Variants in SLC39A11 observed in about 807,000 individuals in gnomAD.
SLC39A11 encodes solute carrier family 39 member 11.
Under a neutral mutation model 36.1 loss-of-function variants are expected in SLC39A11, and 33 were observed. That is an observed-to-expected ratio of 0.91 (90% confidence interval 0.69 to 1.22). The LOEUF is 1.22. Among genes scored for constraint, SLC39A11 ranks in the 50% most tolerant of loss-of-function variants. The pLI is 0.00. For synonymous variants in SLC39A11, 166 were observed against 170.3 expected, an observed-to-expected ratio of 0.97 and a Z score of 0.20; for missense variants, 432 against 430.3, an observed-to-expected ratio of 1.00 and a Z score of -0.03.
At chr17:72,877,396 A>G (rs963001107) in intron 5 of SLC39A11, among the ~76,000 whole-genome samples, 5 of 151,630 alleles carry the variant, frequency 3.3e-5, no homozygotes, top group Non-Finnish European at 7.4e-5. Context: ...CATTTTCCTG[A>G]CTCCTTTGAA....
At chr17:73,027,769 G>C (rs1327159810) in intron 4 of SLC39A11, among the ~76,000 whole-genome samples, 3 of 152,168 alleles carry the variant, frequency 2.0e-5, no homozygotes, top group African/African-American at 7.2e-5. Flanking sequence ...TGGCTCTGAC[G>C]CTCCCAGGCA....
At chr17:72,738,921 C>G (rs564474771) in intron 6 of SLC39A11, among the ~76,000 whole-genome samples, 1 of 152,096 alleles carries the variant, frequency 6.6e-6, no homozygotes, top group Non-Finnish European at 1.5e-5. Context: ...AAGAAGGCAG[C>G]GGAGACTTAT....
At chr17:73,047,990 A>AAAT (rs1555693446) in intron 3 of SLC39A11, among the ~76,000 whole-genome samples, 42 of 58,718 alleles carry the variant, frequency 7.2e-4, no homozygotes, top group Admixed American at 9.7e-4. Context: ...AAAAAAAAAA[A>AAAT]ATATATATAT....
chr17:72,651,007 C>A (rs1281083741), intron 7 of SLC39A11, among the ~76,000 whole-genome samples: 3 of 152,002 alleles, frequency 2.0e-5, no homozygotes, highest in South Asian at 4.2e-4. Context: ...GTTTTTTTTA[C>A]CTTTATCCCC....
At chr17:73,007,869 G>A (rs369376494) in intron 4 of SLC39A11, among the ~76,000 whole-genome samples, 2 of 152,192 alleles carry the variant, frequency 1.3e-5, no homozygotes, top group East Asian at 1.9e-4. Flanking sequence ...TTGGGAGGCC[G>A]AGGCATGTGG....
At chr17:72,879,251 G>A (rs552968714) in intron 5 of SLC39A11, among the ~76,000 whole-genome samples, 38 of 152,296 alleles carry the variant, frequency 2.5e-4, no homozygotes, top group African/African-American at 8.4e-4. Context: ...GTCAGGAGGT[G>A]AGATTGAAAG....
intron 5 of SLC39A11, among the ~76,000 whole-genome samples, chr17:72,924,239 C>G (rs2083896375): frequency 6.7e-6 from 1 of 148,604 alleles, no homozygotes; most frequent in South Asian, 2.1e-4. Flanking sequence ...ACGTTAAAGT[C>G]TCTAAAGGAA....
chr17:73,062,029 T>C (rs77548480), intron 3 of SLC39A11, among the ~76,000 whole-genome samples: 6,550 of 152,076 alleles, frequency 0.043, 206 homozygotes, highest in Middle Eastern at 0.071. Context: ...CTCTGTTCCA[T>C]GACTCTTCAT....
At chr17:73,088,539 G>T in intron 2 of SLC39A11, 118 bp downstream of exon 2, 1 of 738,652 alleles carries the variant, frequency 1.4e-6, no homozygotes, top group Non-Finnish European at 2.4e-6. Context: ...AGTACACAAT[G>T]CCTGGGGGTG....
At chr17:72,678,290 C>T (rs888454816) in intron 7 of SLC39A11, among the ~76,000 whole-genome samples, 6 of 152,058 alleles carry the variant, frequency 3.9e-5, no homozygotes, top group Admixed American at 2.0e-4. Context: ...CCATTTACAA[C>T]GTGTTTTTTT....
intron 3 of SLC39A11, chr17:73,067,825 G>A (rs2060041424): frequency 1.3e-6 from 2 of 1,537,816 alleles, no homozygotes; most frequent in Middle Eastern, 2.3e-4. Context: ...TGTCTCTTCT[G>A]TGAAAATCCA....
intron 4 of SLC39A11, among the ~76,000 whole-genome samples, chr17:73,016,547 T>G (rs1000407242): frequency 6.6e-6 from 1 of 152,002 alleles, no homozygotes; most frequent in Non-Finnish European, 1.5e-5. Flanking sequence ...TTAGCCAGAC[T>G]GGTCTCGAAC....
intron 5 of SLC39A11, among the ~76,000 whole-genome samples, chr17:72,886,099 A>C (rs4969122): frequency 0.53 from 80,355 of 152,020 alleles, 23,428 homozygotes; most frequent in African/African-American, 0.78. Context: ...CCTCACTGGC[A>C]ACACCTCTGC....
Position 72,954,901 on chromosome 17 carries a change from T to A in SLC39A11, c.307-7026A>T, listed in dbSNP as rs555603067. ...AGTCCTGCCTCGGGTGTCAGGCAGGTCACCGCTGTCTTCTTTGCCCTGGTT... is the reference window on the plus strand; with the variant it reads ...AGTCCTGCCTCGGGTGTCAGGCAGGACACCGCTGTCTTCTTTGCCCTGGTT... On this transcript the variant is annotated intron_variant, in intron 4 of 9. Coordinates refer to ENST00000255559, the MANE Select transcript of SLC39A11 (RefSeq NM_139177.4). Among the ~76,000 whole-genome samples the A allele has an allele frequency of 3.9e-5, 6 of 152,272 alleles. No homozygotes were observed. In the South Asian group the frequency reaches 1.2e-3, roughly 32 times the overall value.
chr17:72,826,686 C>G (rs1237541643), intron 6 of SLC39A11, among the ~76,000 whole-genome samples: 1 of 152,082 alleles, frequency 6.6e-6, no homozygotes, highest in Non-Finnish European at 1.5e-5. Flanking sequence ...TCGTAACCCC[C>G]AAAGTAAGAA....
intron 3 of SLC39A11, among the ~76,000 whole-genome samples, chr17:73,048,577 G>A (rs139609856): frequency 4.6e-5 from 7 of 152,234 alleles, no homozygotes; most frequent in Non-Finnish European, 5.9e-5. Flanking sequence ...TGGGTCAAAC[G>A]GTAGCTCTGT....
At chr17:72,923,612 G>A (rs918479747) in intron 5 of SLC39A11, among the ~76,000 whole-genome samples, 3 of 152,176 alleles carry the variant, frequency 2.0e-5, no homozygotes, top group African/African-American at 4.8e-5. Context: ...TGATCACTTC[G>A]AAGGCAGGAG....
At chr17:72,979,064 G>A (rs988065429) in intron 4 of SLC39A11, among the ~76,000 whole-genome samples, 1 of 152,144 alleles carries the variant, frequency 6.6e-6, no homozygotes, top group East Asian at 1.9e-4. Context: ...CGTGTCAAGG[G>A]AGAGACCACG....
chr17:72,820,431 G>C (rs1180022850), intron 6 of SLC39A11, among the ~76,000 whole-genome samples: 1 of 151,060 alleles, frequency 6.6e-6, no homozygotes, highest in African/African-American at 2.4e-5. Context: ...TTTTCCTTGT[G>C]CCTCTCCTCT....
Sources: allele counts gnomAD v4.1 joint callset (sites outside exome capture counted in the v4.1 genomes callset), GRCh38; gene constraint gnomAD v4.1.1; transcripts MANE v1.5; gene names NCBI Gene and HGNC (gene_info 2026-07-23, HGNC 2026-07-21).